The following CPA6 variants were observed in gnomAD, a reference collection of about 807,000 sequenced individuals.
CPA6 encodes the protein carboxypeptidase B.
In CPA6, 58 loss-of-function variants were observed where a neutral mutation model predicts 63.3. That is an observed-to-expected ratio of 0.92 (90% CI 0.74 to 1.14). The LOEUF (loss-of-function observed/expected upper bound fraction) is 1.14. Ranked by LOEUF, CPA6 falls within the 50% of genes most tolerant of loss-of-function variation. The probability of loss-of-function intolerance (pLI) is 0.00; values close to 1 mark genes in which losing one functional copy is unlikely to be tolerated. For synonymous variants in CPA6, 185 were observed against 179.0 expected, an observed-to-expected ratio of 1.03 and a Z score of -0.27; for missense variants, 565 against 526.6, an observed-to-expected ratio of 1.07 and a Z score of -0.71.
At chr8:67,493,771 T>C (rs1297315452) in intron 6 of CPA6, among the ~76,000 whole-genome samples, 1 of 151,328 alleles carries the variant, frequency 6.6e-6, no homozygotes, top group Non-Finnish European at 1.5e-5. Flanking sequence ...GTTTTATTGC[T>C]TTTCTTTTCT....
intron 6 of CPA6, among the ~76,000 whole-genome samples, chr8:67,503,151 G>A (rs1036055048): frequency 6.6e-6 from 1 of 151,754 alleles, no homozygotes; most frequent in African/African-American, 2.4e-5. Flanking sequence ...GAATTCTCCT[G>A]CTTCAGCCTC....
intron 8 of CPA6, among the ~76,000 whole-genome samples, chr8:67,436,934 C>T (rs1810170257): frequency 6.6e-6 from 1 of 152,104 alleles, no homozygotes; most frequent in African/African-American, 2.4e-5. Context: ...AAAGACAGCC[C>T]AGTCAAATTG....
chr8:67,668,338 C>A (rs1280825978), intron 1 of CPA6, among the ~76,000 whole-genome samples: 2 of 152,198 alleles, frequency 1.3e-5, no homozygotes, highest in African/African-American at 4.8e-5. Flanking sequence ...TATTCGCACT[C>A]AATAAAAGCT....
chr8:67,732,566 C>G (rs1002828038), intron 1 of CPA6: 2 of 152,230 alleles, frequency 1.3e-5, no homozygotes, highest in Non-Finnish European at 2.9e-5. Flanking sequence ...AATACCGAGC[C>G]GCACGTGGTT....
chr8:67,625,290 T>C (rs575623634), intron 1 of CPA6, among the ~76,000 whole-genome samples: 88 of 152,224 alleles, frequency 5.8e-4, no homozygotes, highest in Non-Finnish European at 1.0e-3. Context: ...AAAAAATCTC[T>C]ATAGGACTAC....
At chr8:67,715,957 C>T (rs1473780178) in intron 1 of CPA6, among the ~76,000 whole-genome samples, 1 of 151,946 alleles carries the variant, frequency 6.6e-6, no homozygotes, top group African/African-American at 2.4e-5. Context: ...AGTTCGAGAT[C>T]AGCCGGACCA....
intron 6 of CPA6, among the ~76,000 whole-genome samples, chr8:67,504,318 A>T (rs1240755814): frequency 6.6e-6 from 1 of 152,170 alleles, no homozygotes; most frequent in East Asian, 1.9e-4. Context: ...GTGATCCAAC[A>T]ATTCCTGCTC....
intron 1 of CPA6, among the ~76,000 whole-genome samples, chr8:67,662,373 C>A (rs927383849): frequency 1.3e-5 from 2 of 151,096 alleles, no homozygotes; most frequent in East Asian, 3.9e-4. Context: ...TGATGTTATT[C>A]TAGAAAATGA....
At chr8:67,667,560 A>G (rs1344569390) in intron 1 of CPA6, among the ~76,000 whole-genome samples, 1 of 152,154 alleles carries the variant, frequency 6.6e-6, no homozygotes, top group Non-Finnish European at 1.5e-5. Context: ...CTTTGGGTCC[A>G]ATCTTCTCAT....
At chr8:67,722,639 C>G (rs1339862740) in intron 1 of CPA6, among the ~76,000 whole-genome samples, 2 of 152,104 alleles carry the variant, frequency 1.3e-5, no homozygotes. Flanking sequence ...GGCCTTTAAC[C>G]AGAGCTTACA....
In CPA6 at chr8:67,742,456, C is replaced by T. The variant is rs186912389; in HGVS notation, c.116+3558G>A. ...AGCTGGGTGAGAATCTCAAGTGTGT[C>T]CTTGAGCTAGTTAGCCCTGAACTTG... On this transcript the variant is annotated intron_variant, in intron 1 of 10. Transcript: ENST00000297770. 1.9e-3 allele frequency among the ~76,000 whole-genome samples: 295 copies of T among 152,216 alleles called. 1 individual carries two copies. Among genetic ancestry groups the T allele is most frequent in the African/African-American group, 6.9e-3 (285 of 41,542 alleles).
chr8:67,629,017 A>G (rs1815256246), intron 1 of CPA6, among the ~76,000 whole-genome samples: 1 of 152,336 alleles, frequency 6.6e-6, no homozygotes, highest in East Asian at 1.9e-4. Flanking sequence ...CTGGAGGCTA[A>G]GGCAGGAGAA....
intron 5 of CPA6, among the ~76,000 whole-genome samples, chr8:67,508,893 G>A (rs952557436): frequency 1.3e-5 from 2 of 152,118 alleles, no homozygotes; most frequent in Non-Finnish European, 2.9e-5. Flanking sequence ...ACCTGAAACT[G>A]GGTAGTTATA....
chr8:67,688,765 A>C (rs1016599752), intron 1 of CPA6, among the ~76,000 whole-genome samples: 26 of 152,226 alleles, frequency 1.7e-4, no homozygotes, highest in Admixed American at 4.6e-4. Flanking sequence ...ACATTTCTTT[A>C]TTTCTTTTTC....
intron 8 of CPA6, among the ~76,000 whole-genome samples, chr8:67,453,931 C>T (rs1056541134): frequency 1.3e-4 from 20 of 152,146 alleles, no homozygotes; most frequent in African/African-American, 3.9e-4. Flanking sequence ...TGCCTTGAGT[C>T]GATGCTGTTT....
At chr8:67,516,821 A>G (rs2128966583) in intron 3 of CPA6, among the ~76,000 whole-genome samples, 1 of 152,090 alleles carries the variant, frequency 6.6e-6, no homozygotes, top group South Asian at 2.1e-4. Context: ...CAGTGCAGAC[A>G]GCCTGCACTC....
chr8:67,665,898 G>A (rs1239330727), intron 1 of CPA6, among the ~76,000 whole-genome samples: 1 of 152,226 alleles, frequency 6.6e-6, no homozygotes, highest in Non-Finnish European at 1.5e-5. Context: ...GATGAATTAA[G>A]GGTAAAGGTT....
At chr8:67,493,872 G>A (rs894168507) in intron 6 of CPA6, among the ~76,000 whole-genome samples, 2 of 152,076 alleles carry the variant, frequency 1.3e-5, no homozygotes. Context: ...ATGTCTAGGA[G>A]AACTTTCCAT....
intron 1 of CPA6, among the ~76,000 whole-genome samples, chr8:67,639,474 C>T (rs1026573252): frequency 1.3e-5 from 2 of 151,676 alleles, no homozygotes; most frequent in Non-Finnish European, 2.9e-5. Flanking sequence ...CAGGCAGCTG[C>T]AGATGCTGGT....
Sources: allele counts gnomAD v4.1 joint callset (sites outside exome capture counted in the v4.1 genomes callset), GRCh38; gene constraint gnomAD v4.1.1; transcripts MANE v1.5; gene names NCBI Gene and HGNC (gene_info 2026-07-23, HGNC 2026-07-21).